The following RORA variants were observed in gnomAD, a reference collection of about 807,000 sequenced individuals.
RORA encodes nuclear receptor ROR-alpha.
A neutral mutation model predicts 69.5 loss-of-function variants in RORA; 7 were observed. That is an observed-to-expected ratio of 0.10 (90% confidence interval 0.06 to 0.19). RORA has a LOEUF of 0.19. RORA is among the 10% of genes least tolerant of loss of function. The probability of loss-of-function intolerance (pLI) is 1.00; values close to 1 mark genes in which losing one functional copy is unlikely to be tolerated. For synonymous variants in RORA, 261 were observed against 240.8 expected, an observed-to-expected ratio of 1.08 and a Z score of -0.78; for missense variants, 457 against 663.0, an observed-to-expected ratio of 0.69 and a Z score of 3.41.
chr15:61,121,086 G>C (rs2079099368), intron 1 of RORA, among the ~76,000 whole-genome samples: 1 of 151,728 alleles, frequency 6.6e-6, no homozygotes, highest in African/African-American at 2.4e-5. Flanking sequence ...CTGACCTCAG[G>C]TGAACCACCC....
chr15:60,821,644 A>C (rs1384377989), intron 1 of RORA, among the ~76,000 whole-genome samples: 1 of 152,122 alleles, frequency 6.6e-6, no homozygotes, highest in Admixed American at 6.6e-5. Context: ...ACTGTGTCTT[A>C]CTCATCTTTG....
chr15:60,624,770 C>T (rs531441038), intron 2 of RORA, among the ~76,000 whole-genome samples: 1 of 152,096 alleles, frequency 6.6e-6, no homozygotes, highest in South Asian at 2.1e-4. Flanking sequence ...TAACATCCAT[C>T]TGTGTTCAAA....
intron 1 of RORA, among the ~76,000 whole-genome samples, chr15:61,073,412 G>GT (rs1192344640): frequency 6.6e-6 from 1 of 152,090 alleles, no homozygotes; most frequent in African/African-American, 2.4e-5. Flanking sequence ...CTCATTCAGG[G>GT]TTGGAATGGG....
chr15:61,062,143 C>T (rs1375857607), intron 1 of RORA, among the ~76,000 whole-genome samples: 1 of 152,186 alleles, frequency 6.6e-6, no homozygotes, highest in African/African-American at 2.4e-5. Context: ...CACCTCTTCA[C>T]CAAGTCTTCT....
chr15:60,919,636 A>G (rs933190980), intron 1 of RORA, among the ~76,000 whole-genome samples: 1 of 152,226 alleles, frequency 6.6e-6, no homozygotes, highest in Non-Finnish European at 1.5e-5. Flanking sequence ...AAGAGCAGGC[A>G]GACATTTGCA....
intron 1 of RORA, among the ~76,000 whole-genome samples, chr15:61,043,835 T>C (rs1042659724): frequency 6.6e-6 from 1 of 152,216 alleles, no homozygotes; most frequent in Admixed American, 6.5e-5. Flanking sequence ...TTTGTTTGGC[T>C]GGTACGACAG....
intron 1 of RORA, among the ~76,000 whole-genome samples, chr15:60,771,766 G>A (rs928594551): frequency 3.9e-5 from 6 of 152,188 alleles, no homozygotes; most frequent in African/African-American, 1.4e-4. Flanking sequence ...TCTTATGTGG[G>A]CAAGCCACTT....
intron 1 of RORA, among the ~76,000 whole-genome samples, chr15:60,953,842 T>C (rs1893181963): frequency 6.7e-6 from 1 of 149,904 alleles, no homozygotes; most frequent in Non-Finnish European, 1.5e-5. Flanking sequence ...ACACTGTTGG[T>C]GGGACTGTAA....
At chr15:61,210,448 C>A (rs1395266906) in intron 1 of RORA, among the ~76,000 whole-genome samples, 1 of 152,136 alleles carries the variant, frequency 6.6e-6, no homozygotes, top group Non-Finnish European at 1.5e-5. Flanking sequence ...GATTCCATTT[C>A]GATTCCTGAA....
At chr15:60,733,715 C>G (rs534708336) in intron 1 of RORA, among the ~76,000 whole-genome samples, 136 of 152,208 alleles carry the variant, frequency 8.9e-4, no homozygotes, top group African/African-American at 3.2e-3. Flanking sequence ...ATTTACAAAT[C>G]CATCAGAAGG....
intron 1 of RORA, among the ~76,000 whole-genome samples, chr15:61,076,914 CCT>C (rs994883786): frequency 6.6e-6 from 1 of 151,270 alleles, no homozygotes; most frequent in Non-Finnish European, 1.5e-5. Flanking sequence ...CACTCTACCC[CCT>C]CTCCCTTGCT....
At chr15:60,712,674 C>T (rs2071160715) in intron 1 of RORA, among the ~76,000 whole-genome samples, 1 of 152,182 alleles carries the variant, frequency 6.6e-6, no homozygotes, top group African/African-American at 2.4e-5. Flanking sequence ...GAAGACAAGC[C>T]TTTCTTGCAA....
chr15:60,493,949 TCACACACACACACACACACACACA>T lies in RORA; in HGVS notation c.*3482_*3505del, dbSNP rs71122860. On this transcript the variant is annotated 3_prime_UTR_variant, in exon 11 of 11. Transcript: ENST00000335670. ...CGCACACACATCATACACATGCAAATCACACACACACACACACACACACACACACACACACACACTCCTTCCTCA... is the reference window on the plus strand; with the variant it reads ...CGCACACACATCATACACATGCAAATCACACACACACACACTCCTTCCTCA... 1 of 143,966 alleles carries T rather than the reference TCACACACACACACACACACACACA, an allele frequency of 6.9e-6. No homozygotes were observed. The highest frequency in any genetic ancestry group is 2.3e-4 in the South Asian group (1 of 4,376). The allele number at this position is 143,966 out of a possible 1,614,324, so 8.9% of individuals were successfully genotyped here. A position where few individuals can be genotyped will look rare whatever the true frequency, so the allele number is the denominator to read the frequency against.
chr15:60,795,658 T>C (rs1371582522), intron 1 of RORA, among the ~76,000 whole-genome samples: 1 of 152,096 alleles, frequency 6.6e-6, no homozygotes, highest in Non-Finnish European at 1.5e-5. Context: ...CCCTCCATGG[T>C]GAGTAAGGCA....
chr15:60,658,614 G>T (rs2070258134), intron 2 of RORA, among the ~76,000 whole-genome samples: 2 of 151,438 alleles, frequency 1.3e-5, no homozygotes, highest in South Asian at 4.2e-4. Flanking sequence ...AAATCAGAGG[G>T]TTGCTATTTG....
intron 1 of RORA, among the ~76,000 whole-genome samples, chr15:60,888,426 G>C (rs1017821979): frequency 6.6e-6 from 1 of 152,154 alleles, no homozygotes; most frequent in African/African-American, 2.4e-5. Context: ...AGAGTTACAC[G>C]GGGCGAAAAG....
chr15:60,540,375 A>G (rs1254943094), intron 2 of RORA, among the ~76,000 whole-genome samples: 1 of 152,186 alleles, frequency 6.6e-6, no homozygotes, highest in Non-Finnish European at 1.5e-5. Flanking sequence ...AACCGAAAAC[A>G]TCAGAATTAC....
chr15:60,641,014 G>A (rs1181342020), intron 2 of RORA, among the ~76,000 whole-genome samples: 11 of 152,022 alleles, frequency 7.2e-5, no homozygotes, highest in Admixed American at 2.0e-4. Flanking sequence ...GTTCAGTGGC[G>A]TGATCTCAGC....
intron 1 of RORA, among the ~76,000 whole-genome samples, chr15:61,050,503 A>G (rs2140499673): frequency 1.3e-5 from 2 of 152,316 alleles, no homozygotes; most frequent in Middle Eastern, 6.8e-3. Context: ...GTAATTCTAT[A>G]TGGTCTCTGT....
Sources: gnomAD v4.1 joint callset for allele counts (sites outside exome capture counted in the v4.1 genomes callset) on GRCh38, gnomAD v4.1.1 for gene constraint, MANE v1.5 for transcripts, NCBI Gene and HGNC (gene_info 2026-07-23, HGNC 2026-07-21) for gene names.